C6: variants seen among roughly 807,000 people sequenced by gnomAD.
C6 encodes complement C6.
C6 carries 101 observed loss-of-function variants against 112.9 expected under a neutral mutation model. The observed-to-expected ratio is 0.89, with a 90% CI of 0.76 to 1.06. C6 has a LOEUF of 1.06. C6 is among the 50% of genes least tolerant of loss of function. The pLI is 0.00. For missense variants in C6, 1,202 were observed against 1,104.6 expected (o/e 1.09, Z -1.25); for synonymous variants, 431 against 384.1 (o/e 1.12, Z -1.43).
chr5:41,149,121 T>G (rs1580028859), intron 17 of C6, 120 bp downstream of exon 17: 1 of 1,279,674 alleles, frequency 7.8e-7, no homozygotes, highest in Non-Finnish European at 1.1e-6. Flanking sequence ...TTTATGAATT[T>G]TTTTTACAAT....
At chr5:41,200,892 T>TTTTTTTTG (rs1750976278) in intron 3 of C6, among the ~76,000 whole-genome samples, 1 of 7,342 alleles carries the variant, frequency 1.4e-4, no homozygotes, top group Non-Finnish European at 4.0e-4. Context: ...GTTGTTGTTG[T>TTTTTTTTG]TTTTTTTTTT....
At chr5:41,169,598 C>T (rs1453709902) in intron 9 of C6, among the ~76,000 whole-genome samples, 2 of 152,058 alleles carry the variant, frequency 1.3e-5, no homozygotes, top group Non-Finnish European at 2.9e-5. Context: ...ACAGGCTGTA[C>T]AGGAAGCCTG....
chr5:41,154,379 T>A (rs1746700593), intron 14 of C6, among the ~76,000 whole-genome samples: 1 of 152,142 alleles, frequency 6.6e-6, no homozygotes, highest in African/African-American at 2.4e-5. Flanking sequence ...TAATTGACAC[T>A]GGTCTCAACT....
chr5:41,176,838 T>G, intron 7 of C6, 123 bp from the exon 8 acceptor site: 3 of 947,928 alleles, frequency 3.2e-6, no homozygotes, highest in Non-Finnish European at 4.8e-6. Flanking sequence ...TAATTCTCAC[T>G]CTCTATTGCA....
intron 5 of C6, among the ~76,000 whole-genome samples, chr5:41,193,795 ATTT>A (rs11460725): frequency 2.9e-5 from 4 of 137,386 alleles, no homozygotes; most frequent in Admixed American, 7.3e-5. Flanking sequence ...TCAGGAAGCT[ATTT>A]TTTTTTTTTT....
At chr5:41,189,702 A>C (rs957952308) in intron 5 of C6, among the ~76,000 whole-genome samples, 1 of 152,102 alleles carries the variant, frequency 6.6e-6, no homozygotes, top group East Asian at 1.9e-4. Flanking sequence ...GCTATAGAAC[A>C]CTAGAACTTA....
intron 2 of C6, among the ~76,000 whole-genome samples, chr5:41,201,996 T>A (rs569553744): frequency 3.3e-5 from 5 of 152,190 alleles, no homozygotes; most frequent in African/African-American, 1.2e-4. Flanking sequence ...GAAGCCCTTC[T>A]AAGTGTGGGG....
chr5:41,240,070 A>C (rs554206887), intron 1 of C6, among the ~76,000 whole-genome samples: 13 of 152,238 alleles, frequency 8.5e-5, no homozygotes, highest in African/African-American at 3.1e-4. Flanking sequence ...TTTGACTATA[A>C]TGTGTTAGGG....
At chr5:41,201,905 C>T (rs1450234674) in intron 2 of C6, among the ~76,000 whole-genome samples, 191 bp from the exon 3 acceptor site, 1 of 152,000 alleles carries the variant, frequency 6.6e-6, no homozygotes, top group Non-Finnish European at 1.5e-5. Flanking sequence ...TTGTGAGGCT[C>T]AGCATAAAAT....
intron 7 of C6, among the ~76,000 whole-genome samples, chr5:41,180,041 G>A (rs1398770301): frequency 6.6e-6 from 1 of 152,072 alleles, no homozygotes; most frequent in Non-Finnish European, 1.5e-5. Context: ...CTATTCATCT[G>A]CAAAATGATG....
chr5:41,172,416 C>T lies in C6; in HGVS notation c.1169-69G>A, dbSNP rs199922117. 373 of 1,482,820 alleles carry T rather than the reference C, an allele frequency of 2.5e-4. 1 individual carries two copies. The East Asian group carries it at 7.4e-3, about 29-fold the overall frequency. The allele number at this position is 1,482,820 out of a possible 1,614,324, so 91.9% of individuals were successfully genotyped here. ...TGACAATTCAAAGAGGAACATGGTGCTCTGGTCACTTCGGATCTACAGATA... is the reference window on the plus strand; with the variant it reads ...TGACAATTCAAAGAGGAACATGGTGTTCTGGTCACTTCGGATCTACAGATA... On this transcript the variant is annotated intron_variant, in intron 8 of 17. Coordinates refer to ENST00000337836, the MANE Select transcript of C6 (RefSeq NM_000065.5).
At chr5:41,232,124 T>A (rs1171683096) in intron 1 of C6, among the ~76,000 whole-genome samples, 1 of 152,162 alleles carries the variant, frequency 6.6e-6, no homozygotes, top group Non-Finnish European at 1.5e-5. Context: ...AAATTCTTCT[T>A]AGCTTTGTTA....
At chr5:41,185,571 C>A in intron 6 of C6, among the ~76,000 whole-genome samples, 1 of 152,030 alleles carries the variant, frequency 6.6e-6, no homozygotes, top group South Asian at 2.1e-4. Flanking sequence ...CTAAAAGAAA[C>A]AAATAAACCA....
chr5:41,190,205 C>A (rs1484801899), intron 5 of C6, among the ~76,000 whole-genome samples: 2 of 152,102 alleles, frequency 1.3e-5, no homozygotes, highest in South Asian at 2.1e-4. Flanking sequence ...TCCATAAGAG[C>A]TACATTAGTT....
In C6 at chr5:41,142,593, G is replaced by A; in HGVS notation, c.*232C>T. The A allele has an allele frequency of 3.6e-6, 2 of 563,288 alleles. No individual in the cohort carries two copies. Among genetic ancestry groups the A allele is most frequent in the Non-Finnish European group, 6.4e-6 (2 of 312,534 alleles). The allele number at this position is 563,288 out of a possible 1,614,324, so 34.9% of individuals were successfully genotyped here. A position where few individuals can be genotyped will look rare whatever the true frequency, so the allele number is the denominator to read the frequency against. On this transcript the variant is annotated 3_prime_UTR_variant, in exon 18 of 18. Coordinates refer to ENST00000337836, the MANE Select transcript of C6 (RefSeq NM_000065.5). ...GAACAGGAGAATTTACGAGACTGCT[G>A]TGGAAGTTGGTACCTAGGGGTATGC... is the stretch of plus-strand genomic sequence containing the variant.
intron 1 of C6, among the ~76,000 whole-genome samples, chr5:41,233,396 G>T (rs770827433): frequency 6.6e-6 from 1 of 152,036 alleles, no homozygotes. Context: ...GTGTAAATGG[G>T]CTATATGATG....
At chr5:41,228,133 T>C (rs1407307943) in intron 1 of C6, among the ~76,000 whole-genome samples, 1 of 152,126 alleles carries the variant, frequency 6.6e-6, no homozygotes, top group Non-Finnish European at 1.5e-5. Flanking sequence ...TGTGTCTGCT[T>C]CCATTTTTTT....
chr5:41,228,669 T>A (rs985688680), intron 1 of C6, among the ~76,000 whole-genome samples: 1 of 152,188 alleles, frequency 6.6e-6, no homozygotes, highest in South Asian at 2.1e-4. Context: ...CATGAAAAGA[T>A]GTTAAATTTT....
intron 7 of C6, among the ~76,000 whole-genome samples, chr5:41,179,050 C>G (rs1466656849): frequency 1.3e-5 from 2 of 152,060 alleles, no homozygotes; most frequent in African/African-American, 4.8e-5. Context: ...GATGAAGTTT[C>G]ACTGTGTTTC....
Sources: allele counts gnomAD v4.1 joint callset (sites outside exome capture counted in the v4.1 genomes callset), GRCh38; gene constraint gnomAD v4.1.1; transcripts MANE v1.5; gene names NCBI Gene and HGNC (gene_info 2026-07-23, HGNC 2026-07-21).